LRRC4C: variants seen among roughly 807,000 people sequenced by gnomAD.
LRRC4C encodes leucine-rich repeat-containing protein 4C.
Under a neutral mutation model 33.6 loss-of-function variants are expected in LRRC4C, and 5 were observed. The observed-to-expected ratio is 0.15, with a 90% CI of 0.08 to 0.31. The LOEUF is 0.31. Among genes scored for constraint, LRRC4C ranks in the 10% least tolerant of loss-of-function variants. The probability of loss-of-function intolerance (pLI) is 1.00; values close to 1 mark genes in which losing one functional copy is unlikely to be tolerated. For synonymous variants in LRRC4C, 329 were observed against 302.0 expected, an observed-to-expected ratio of 1.09 and a Z score of -0.93; for missense variants, 560 against 796.7, an observed-to-expected ratio of 0.70 and a Z score of 3.58.
rs1161134404 is a variant in LRRC4C at position 40,352,102 on chromosome 11, C to CCTTT, written c.-269-32385_-269-32382dup. 1.3e-3 allele frequency among the ~76,000 whole-genome samples: 159 copies of CCTTT among 126,578 alleles called. 4 individuals carry two copies. The highest frequency in any genetic ancestry group is 3.2e-3 in the South Asian group (12 of 3,766). 83.0% of individuals were successfully genotyped at this position (126,578 alleles called of 152,430 possible). A position where few individuals can be genotyped will look rare whatever the true frequency, so the allele number is the denominator to read the frequency against. The stretch of plus-strand genomic sequence containing the variant: ...TTTATAGTTCCTTCCTTCCTTTTTT[C>CCTTT]CTTTCTTTCTTCCTTCCTTCCTTCC... On this transcript the variant is annotated intron_variant, in intron 3 of 6. Coordinates refer to ENST00000528697, the MANE Select transcript of LRRC4C (RefSeq NM_001258419.2).
At chr11:40,380,044 A>C (rs1172360133) in intron 3 of LRRC4C, among the ~76,000 whole-genome samples, 1 of 152,194 alleles carries the variant, frequency 6.6e-6, no homozygotes, top group African/African-American at 2.4e-5. Flanking sequence ...ATGAACTATT[A>C]AGACAGTAAT....
intron 3 of LRRC4C, among the ~76,000 whole-genome samples, chr11:40,566,828 C>G (rs573860449): frequency 6.6e-6 from 1 of 152,038 alleles, no homozygotes; most frequent in Admixed American, 6.5e-5. Context: ...TGAAAAGGAA[C>G]CTAATTTCTT....
chr11:40,920,542 T>C (rs1957129022), intron 2 of LRRC4C, among the ~76,000 whole-genome samples: 1 of 152,190 alleles, frequency 6.6e-6, no homozygotes. Context: ...ATTTTCTATA[T>C]TTTTGTAGCT....
intron 5 of LRRC4C, among the ~76,000 whole-genome samples, chr11:40,206,977 C>T (rs1863206105): frequency 1.3e-5 from 2 of 152,020 alleles, no homozygotes; most frequent in African/African-American, 2.4e-5. Flanking sequence ...AACAAACAAA[C>T]AAACACAACC....
intron 1 of LRRC4C, among the ~76,000 whole-genome samples, chr11:41,126,595 C>T (rs1408846851): frequency 6.6e-6 from 1 of 151,966 alleles, no homozygotes; most frequent in African/African-American, 2.4e-5. Flanking sequence ...AACCATACTT[C>T]CTAGTATTTA....
intron 3 of LRRC4C, among the ~76,000 whole-genome samples, chr11:40,540,607 TA>T (rs1956667721): frequency 6.6e-6 from 1 of 152,000 alleles, no homozygotes; most frequent in Non-Finnish European, 1.5e-5. Flanking sequence ...AAGGGAAGAG[TA>T]TTCCTTCTAA....
In LRRC4C at chr11:40,628,236, G is replaced by A. The variant is rs1470147979; in HGVS notation, c.-270+19906C>T. ...CTCAAGCCTGTAATCCCAGCACTTT[G>A]GGAGGCCAAGGCAGGCGGATCACGA... On this transcript the variant is annotated intron_variant, in intron 3 of 6. Transcript: ENST00000528697. Among the ~76,000 whole-genome samples the A allele has an allele frequency of 3.3e-5, 5 of 152,272 alleles. No homozygotes were observed. In the South Asian group the frequency reaches 6.2e-4, roughly 19 times the overall value.
At chr11:40,925,202 T>C (rs1157553426) in intron 2 of LRRC4C, among the ~76,000 whole-genome samples, 1 of 152,096 alleles carries the variant, frequency 6.6e-6, no homozygotes, top group Non-Finnish European at 1.5e-5. Context: ...ATCTTCTTCA[T>C]TCAATAAAAA....
chr11:40,947,774 T>C (rs1269242357), intron 1 of LRRC4C, among the ~76,000 whole-genome samples: 1 of 151,994 alleles, frequency 6.6e-6, no homozygotes, highest in Non-Finnish European at 1.5e-5. Context: ...TCCTGCAAAC[T>C]CTAGCCCAGT....
At chr11:40,824,883 G>T (rs905327865) in intron 2 of LRRC4C, among the ~76,000 whole-genome samples, 5 of 151,860 alleles carry the variant, frequency 3.3e-5, no homozygotes, top group Non-Finnish European at 7.4e-5. Context: ...TACAATATAC[G>T]TACTAATATA....
At chr11:40,322,088 C>G (rs966291955) in intron 3 of LRRC4C, among the ~76,000 whole-genome samples, 1 of 151,902 alleles carries the variant, frequency 6.6e-6, no homozygotes, top group Non-Finnish European at 1.5e-5. Context: ...ACTCACCAAT[C>G]GATTCACTAA....
chr11:40,397,015 A>G (rs1275862868), intron 3 of LRRC4C, among the ~76,000 whole-genome samples: 1 of 152,082 alleles, frequency 6.6e-6, no homozygotes, highest in African/African-American at 2.4e-5. Flanking sequence ...ATATGACTTG[A>G]GCTTTAACAT....
intron 1 of LRRC4C, among the ~76,000 whole-genome samples, chr11:40,959,814 G>C (rs765047998): frequency 6.6e-6 from 1 of 151,596 alleles, no homozygotes; most frequent in African/African-American, 2.4e-5. Flanking sequence ...TAATGGCATC[G>C]CAGTCAGTTA....
At chr11:40,600,192 C>T (rs1208908670) in intron 3 of LRRC4C, among the ~76,000 whole-genome samples, 1 of 152,174 alleles carries the variant, frequency 6.6e-6, no homozygotes. Context: ...CACTCAATAA[C>T]CACTAACACT....
At chr11:41,034,607 G>GTA (rs59350888) in intron 1 of LRRC4C, among the ~76,000 whole-genome samples, 2,427 of 96,908 alleles carry the variant, frequency 0.025, 44 homozygotes, top group African/African-American at 0.063. Flanking sequence ...ATATGGTGAC[G>GTA]TATATATATA....
At chr11:40,315,361 A>G (rs1489581860) in intron 4 of LRRC4C, among the ~76,000 whole-genome samples, 3 of 151,820 alleles carry the variant, frequency 2.0e-5, no homozygotes, top group Non-Finnish European at 4.4e-5. Flanking sequence ...CTCCTAGTTT[A>G]TGTACCTACA....
chr11:41,228,300 C>T (rs771371720), intron 1 of LRRC4C, among the ~76,000 whole-genome samples: 4 of 152,050 alleles, frequency 2.6e-5, no homozygotes, highest in Non-Finnish European at 4.4e-5. Flanking sequence ...GATAGACAGA[C>T]AATCTATAGA....
At chr11:41,117,055 A>G (rs1478480645) in intron 1 of LRRC4C, among the ~76,000 whole-genome samples, 9 of 152,134 alleles carry the variant, frequency 5.9e-5, no homozygotes, top group Admixed American at 3.3e-4. Flanking sequence ...TACTAGGAAC[A>G]CTGGAACACT....
chr11:40,909,386 G>T (rs1956566130), intron 2 of LRRC4C, among the ~76,000 whole-genome samples: 1 of 151,934 alleles, frequency 6.6e-6, no homozygotes, highest in South Asian at 2.1e-4. Flanking sequence ...TAATTATATA[G>T]AATACATTGA....
Sources: gnomAD v4.1 joint callset for allele counts (sites outside exome capture counted in the v4.1 genomes callset) on GRCh38, gnomAD v4.1.1 for gene constraint, MANE v1.5 for transcripts, NCBI Gene and HGNC (gene_info 2026-07-23, HGNC 2026-07-21) for gene names.